WHRN: variants seen among roughly 807,000 people sequenced by gnomAD.
WHRN encodes whirlin.
WHRN carries 41 observed loss-of-function variants against 68.3 expected under a neutral mutation model. The ratio of observed to expected loss-of-function variants is 0.60; its 90% CI spans 0.47 to 0.78. The LOEUF is 0.78. Ranked by LOEUF, WHRN falls within the 30% of genes least tolerant of loss-of-function variation. The pLI is 0.00. For missense variants in WHRN, 1,243 were observed against 1,244.7 expected (o/e 1.00, Z 0.02); for synonymous variants, 560 against 561.3 (o/e 1.00, Z 0.03).
rs716259 is a variant in WHRN at position 114,435,526 on chromosome 9, A to G, written c.964-9113T>C. Among the ~76,000 whole-genome samples, 1,151 of 152,342 alleles carry G rather than the reference A, an allele frequency of 7.6e-3. 14 individuals are homozygous for G. The highest frequency in any genetic ancestry group is 0.034 in the South Asian group (162 of 4,832). ...AAAAACACAAATCAGTTTTGTTTTT[A>G]CAGGAATCACACTCTGGGAAATGGT... On this transcript the variant is annotated intron_variant, in intron 3 of 11. Transcript: ENST00000362057.
At chr9:114,449,179 G>T (rs542024276) in intron 3 of WHRN, among the ~76,000 whole-genome samples, 10 of 152,316 alleles carry the variant, frequency 6.6e-5, no homozygotes, top group Non-Finnish European at 1.2e-4. Flanking sequence ...CCCACAAGCA[G>T]GCATTTAATT....
chr9:114,430,629 G>GC (rs1015125333), intron 3 of WHRN, among the ~76,000 whole-genome samples: 32 of 152,298 alleles, frequency 2.1e-4, no homozygotes, highest in African/African-American at 7.7e-4. Context: ...GCATTAATAT[G>GC]CGTGAAATCC....
At position 114,402,416 on chromosome 9, in the gene WHRN, G is replaced by C; in HGVS notation, c.*338C>G. On this transcript the variant is annotated 3_prime_UTR_variant, in exon 12 of 12. Coordinates refer to ENST00000362057, the MANE Select transcript of WHRN (RefSeq NM_015404.4). Reference sequence around the variant, plus strand: ...GGCTCAGGCATCTGGGGATGGGCTGGGTCCTAGCTGGAGGGGGGACAGCAG... The same window carrying C: ...GGCTCAGGCATCTGGGGATGGGCTGCGTCCTAGCTGGAGGGGGGACAGCAG... 5.4e-6 allele frequency: 2 copies of C among 369,830 alleles called. No homozygotes were observed. Among genetic ancestry groups the C allele is most frequent in the Non-Finnish European group, 1.0e-5 (2 of 193,884 alleles). 22.9% of individuals were successfully genotyped at this position (369,830 alleles called of 1,614,324 possible).
rs11447125 is a variant in WHRN at position 114,459,461 on chromosome 9, T to TAA, written c.963+6804_963+6805dup. ...CTGGGCAATAGAGCGAGAGTTCATC[T>TAA]AAAAAAAACAGAGTTCCTACCTCCT... On this transcript the variant is annotated intron_variant, in intron 3 of 11. Transcript: ENST00000362057. Among the ~76,000 whole-genome samples the TAA allele has an allele frequency of 5.1e-4, 77 of 151,782 alleles. 1 individual carries two copies. In the South Asian group the frequency reaches 7.7e-3, roughly 15 times the overall value.
At position 114,418,623 on chromosome 9, in the gene WHRN, C is replaced by T. The variant is rs553840526; in HGVS notation, c.1626+4691G>A. On this transcript the variant is annotated intron_variant, in intron 7 of 11. Coordinates refer to ENST00000362057, the MANE Select transcript of WHRN (RefSeq NM_015404.4). ...CTCAGCATGTCTGCCCCCGTACTCC[C>T]TCTGCTCTGGCCTTATTGGCCGCCT... Among the ~76,000 whole-genome samples, 5 of 152,358 alleles carry T rather than the reference C, an allele frequency of 3.3e-5. No individual in the cohort carries two copies. The South Asian group carries it at 8.3e-4, about 25-fold the overall frequency.
At chr9:114,414,652 G>A (rs1177049353) in intron 7 of WHRN, among the ~76,000 whole-genome samples, 1 of 152,222 alleles carries the variant, frequency 6.6e-6, no homozygotes, top group Admixed American at 6.5e-5. Context: ...ACAGGGGAAG[G>A]CAGGTGTTCC....
intron 2 of WHRN, among the ~76,000 whole-genome samples, chr9:114,474,159 C>T (rs1357694791): frequency 1.3e-5 from 2 of 152,166 alleles, no homozygotes; most frequent in African/African-American, 2.4e-5. Flanking sequence ...AATATGCACA[C>T]AGGAGGGAGT....
intron 3 of WHRN, among the ~76,000 whole-genome samples, chr9:114,450,595 A>T (rs555792227): frequency 1.5e-4 from 23 of 152,288 alleles, no homozygotes; most frequent in East Asian, 5.8e-4. Flanking sequence ...AAAGCTAATT[A>T]AAAAAATACT....
At chr9:114,464,762 T>C (rs934711889) in intron 3 of WHRN, among the ~76,000 whole-genome samples, 2 of 151,980 alleles carry the variant, frequency 1.3e-5, no homozygotes, top group African/African-American at 2.4e-5. Context: ...GTAAAACACT[T>C]GGAAGAGTAA....
intron 7 of WHRN, among the ~76,000 whole-genome samples, chr9:114,413,278 G>C (rs1449723679): frequency 7.9e-5 from 12 of 152,228 alleles, no homozygotes; most frequent in Admixed American, 7.8e-4. Context: ...CACAGGCGGA[G>C]AGCAATGTAG....
chr9:114,440,720 C>T (rs1838300113), intron 3 of WHRN, among the ~76,000 whole-genome samples: 1 of 152,226 alleles, frequency 6.6e-6, no homozygotes. Context: ...CTTTCTGTTG[C>T]TAGTTCAGTG....
intron 1 of WHRN, among the ~76,000 whole-genome samples, chr9:114,480,153 T>C (rs1446058734): frequency 6.6e-6 from 1 of 152,142 alleles, no homozygotes; most frequent in Admixed American, 6.5e-5. Flanking sequence ...ATTGTACATT[T>C]CCCAGTCTTC....
At chr9:114,423,549 T>G in intron 6 of WHRN, 26 bp from the exon 7 acceptor site, 1 of 1,592,230 alleles carries the variant, frequency 6.3e-7, no homozygotes, top group Non-Finnish European at 8.6e-7. Flanking sequence ...AAAGGGGCAC[T>G]CAGCAGGGAG....
chr9:114,421,325 G>A lies in WHRN; in HGVS notation c.1626+1989C>T, dbSNP rs540155791. Among the ~76,000 whole-genome samples, 21 of 152,278 alleles carry A rather than the reference G, an allele frequency of 1.4e-4. No homozygotes were observed. The South Asian group carries it at 1.7e-3, about 12-fold the overall frequency. On this transcript the variant is annotated intron_variant, in intron 7 of 11. Transcript: ENST00000362057. ...GACAAGGTTGCTGTGGGCCAGTGCCGAGCTGGGGGCTCCTGACCCCTGCCC... is the reference window on the plus strand; with the variant it reads ...GACAAGGTTGCTGTGGGCCAGTGCCAAGCTGGGGGCTCCTGACCCCTGCCC...
At chr9:114,474,564 C>T (rs1210303251) in intron 2 of WHRN, among the ~76,000 whole-genome samples, 1 of 152,182 alleles carries the variant, frequency 6.6e-6, no homozygotes, top group Non-Finnish European at 1.5e-5. Flanking sequence ...TACTGTCATG[C>T]TGTACCCTCT....
At chr9:114,419,305 T>G (rs1275447921) in intron 7 of WHRN, among the ~76,000 whole-genome samples, 1 of 152,180 alleles carries the variant, frequency 6.6e-6, no homozygotes, top group South Asian at 2.1e-4. Flanking sequence ...AAGATACGAA[T>G]GGAAAGCACT....
At chr9:114,447,114 T>C (rs889815495) in intron 3 of WHRN, among the ~76,000 whole-genome samples, 2 of 152,204 alleles carry the variant, frequency 1.3e-5, no homozygotes, top group Non-Finnish European at 2.9e-5. Flanking sequence ...TTCTGGCTCA[T>C]GTTTACATGT....
At position 114,406,614 on chromosome 9, in the gene WHRN, G is replaced by A; in HGVS notation, c.1977C>T (p.Pro659=). 6.2e-7 allele frequency: 1 copy of A among 1,611,200 alleles called. No individual in the cohort carries two copies. The highest frequency in any genetic ancestry group is 1.7e-5 in the Admixed American group (1 of 59,970). ...PIYASVSPAN[P]SSKRPLDAHL... is the part of the protein sequence containing the mutation. ...GGGCGTCCAGCGGCCTCTTGGAGCT[G>A]GGGTTGGCAGGGGAGACGGAGGCAT... is the stretch of plus-strand genomic sequence containing the variant. The change falls in exon 9 of 12, where the codon CCC becomes CCT. Residue 659 remains proline, a synonymous_variant. Coordinates refer to ENST00000362057, the MANE Select transcript of WHRN (RefSeq NM_015404.4).
chr9:114,406,970 G>A lies in WHRN; in HGVS notation c.1699-78C>T. The A allele has an allele frequency of 4.0e-6, 6 of 1,503,548 alleles. No homozygotes were observed. The South Asian group carries it at 6.1e-5, about 15-fold the overall frequency. The allele number at this position is 1,503,548 out of a possible 1,614,324, so 93.1% of individuals were successfully genotyped here. A position where few individuals can be genotyped will look rare whatever the true frequency, so the allele number is the denominator to read the frequency against. ...AGAGGGGAGGCCGAGCAGCTGAGTG[G>A]TGCCAGGCCCAGCTGGAATTCTGTC... On this transcript the variant is annotated intron_variant, in intron 8 of 11. Coordinates refer to ENST00000362057, the MANE Select transcript of WHRN (RefSeq NM_015404.4).
Sources: gnomAD v4.1 joint callset for allele counts (sites outside exome capture counted in the v4.1 genomes callset) on GRCh38, gnomAD v4.1.1 for gene constraint, MANE v1.5 for transcripts, NCBI Gene and HGNC (gene_info 2026-07-23, HGNC 2026-07-21) for gene names.